The following AGBL1 variants were observed in gnomAD, a reference collection of about 807,000 sequenced individuals.
The protein encoded by AGBL1 is cytosolic carboxypeptidase 4.
AGBL1 carries 130 observed loss-of-function variants against 118.9 expected under a neutral mutation model. The observed-to-expected ratio is 1.09, with a 90% CI of 0.95 to 1.26. The LOEUF is 1.26. Ranked by LOEUF, AGBL1 falls within the 50% of genes most tolerant of loss-of-function variation. AGBL1 has a pLI of 0.00. For missense variants in AGBL1, 1,584 were observed against 1,298.1 expected (o/e 1.22, Z -3.38); for synonymous variants, 555 against 478.9 (o/e 1.16, Z -2.08).
rs1213756421 is a variant in AGBL1, at chr15:86,397,849, G to T, written c.2555+303G>T. Reference sequence around the variant, plus strand: ...AAACAAATTAATTAAAAAATAGGAAGCTATAGAATCACAGGCAATTAATAG... The same window carrying T: ...AAACAAATTAATTAAAAAATAGGAATCTATAGAATCACAGGCAATTAATAG... On this transcript the variant is annotated intron_variant, in intron 18 of 22. Transcript: ENST00000614907. 2.0e-5 allele frequency among the ~76,000 whole-genome samples: 3 copies of T among 152,006 alleles called. No individual in the cohort carries two copies. The South Asian group carries it at 6.2e-4, about 31-fold the overall frequency.
At chr15:86,755,148 A>G (rs983175460) in intron 22 of AGBL1, among the ~76,000 whole-genome samples, 30 of 152,212 alleles carry the variant, frequency 2.0e-4, no homozygotes, top group Admixed American at 5.9e-4. Context: ...TGTCTGCTCT[A>G]TGGAAAAGAC....
At chr15:86,801,215 C>A (rs1313850789) in intron 22 of AGBL1, among the ~76,000 whole-genome samples, 4 of 151,932 alleles carry the variant, frequency 2.6e-5, no homozygotes, top group African/African-American at 9.7e-5. Flanking sequence ...CTTCTGAATT[C>A]TATCAGGGAG....
At chr15:87,001,215 T>G (rs542905461) in intron 24 of AGBL1, among the ~76,000 whole-genome samples, 2 of 150,740 alleles carry the variant, frequency 1.3e-5, no homozygotes, top group African/African-American at 4.9e-5. Context: ...TTGAATACCC[T>G]TTATTTCCTT....
chr15:86,953,713 C>A (rs1176798612), intron 23 of AGBL1, among the ~76,000 whole-genome samples: 1 of 152,078 alleles, frequency 6.6e-6, no homozygotes, highest in African/African-American at 2.4e-5. Context: ...CTTGATTTGA[C>A]TTTCAGCCTA....
intron 17 of AGBL1, among the ~76,000 whole-genome samples, chr15:86,397,107 C>T (rs1233272822): frequency 1.3e-5 from 2 of 152,014 alleles, no homozygotes; most frequent in African/African-American, 4.8e-5. Context: ...AACCTCATGC[C>T]AATCATGTGA....
chr15:86,810,778 A>G (rs914947177), intron 22 of AGBL1, among the ~76,000 whole-genome samples: 2 of 152,164 alleles, frequency 1.3e-5, no homozygotes, highest in Non-Finnish European at 2.9e-5. Flanking sequence ...TCTCTAAAAC[A>G]TCCATAAGCT....
rs552528306 is a variant in AGBL1 at position 86,892,899 on chromosome 15, A to G, written c.3159-14188A>G. 3.0e-4 allele frequency among the ~76,000 whole-genome samples: 46 copies of G among 152,302 alleles called. No individual in the cohort carries two copies. The South Asian group carries it at 9.3e-3, about 31-fold the overall frequency. ...CCCGGGTGATGATGGTGAGACATTC[A>G]TGGTGAGCATACTCAGTGTGTCTGT... On this transcript the variant is annotated intron_variant, in intron 22 of 22. Coordinates refer to ENST00000614907, the MANE Select transcript of AGBL1 (RefSeq NM_001386094.1).
At chr15:86,148,287 C>T (rs1318619571) in intron 3 of AGBL1, among the ~76,000 whole-genome samples, 1 of 152,116 alleles carries the variant, frequency 6.6e-6, no homozygotes, top group Non-Finnish European at 1.5e-5. Flanking sequence ...GACTGATGAG[C>T]TGACAGAAAT....
intron 9 of AGBL1, among the ~76,000 whole-genome samples, chr15:86,261,584 C>T (rs886566121): frequency 1.3e-5 from 2 of 151,880 alleles, no homozygotes; most frequent in African/African-American, 4.8e-5. Context: ...TTTTCCTTAA[C>T]TAATGAAATA....
intron 22 of AGBL1, among the ~76,000 whole-genome samples, chr15:86,799,771 A>G (rs990844399): frequency 6.6e-6 from 1 of 152,174 alleles, no homozygotes; most frequent in African/African-American, 2.4e-5. Flanking sequence ...GAAAAGTTCT[A>G]GGGAATTGCA....
intron 6 of AGBL1, among the ~76,000 whole-genome samples, chr15:86,242,339 T>C (rs2078653734): frequency 6.6e-6 from 1 of 152,236 alleles, no homozygotes; most frequent in South Asian, 2.1e-4. Context: ...ATTGTACCTA[T>C]TATGTACCAG....
At chr15:86,560,606 G>A (rs2083803418) in intron 21 of AGBL1, among the ~76,000 whole-genome samples, 1 of 152,162 alleles carries the variant, frequency 6.6e-6, no homozygotes, top group Non-Finnish European at 1.5e-5. Flanking sequence ...ACACACATGT[G>A]CATCTGTCTT....
chr15:86,507,185 A>G (rs2082987922), intron 18 of AGBL1, among the ~76,000 whole-genome samples: 1 of 152,092 alleles, frequency 6.6e-6, no homozygotes, highest in African/African-American at 2.4e-5. Context: ...ATAACTTTAA[A>G]ATGTTAATGC....
At chr15:86,251,378 A>T (rs1278060008) in intron 7 of AGBL1, among the ~76,000 whole-genome samples, 1 of 151,976 alleles carries the variant, frequency 6.6e-6, no homozygotes, top group Non-Finnish European at 1.5e-5. Context: ...AGAGTTTCTG[A>T]CTCAGTAGGG....
chr15:86,524,174 G>A (rs1357588329), intron 19 of AGBL1, among the ~76,000 whole-genome samples: 16 of 152,172 alleles, frequency 1.1e-4, no homozygotes, highest in Non-Finnish European at 2.2e-4. Flanking sequence ...TCACCCAGAG[G>A]TGTATGGCAG....
Position 86,936,237 on chromosome 15 carries a change from T to A in AGBL1, c.3222-51750T>A, listed in dbSNP as rs538120909. On this transcript the variant is annotated intron_variant, in intron 23 of 24. Transcript: ENST00000441037. Reference sequence around the variant, plus strand: ...GCCAAATTGTAAACAGCAGTGTGTATGTATGTGTGTGTGTGTGTGTGTGTG... The same window carrying A: ...GCCAAATTGTAAACAGCAGTGTGTAAGTATGTGTGTGTGTGTGTGTGTGTG... 7.8e-5 allele frequency among the ~76,000 whole-genome samples: 7 copies of A among 89,658 alleles called. No individual in the cohort carries two copies. In the East Asian group the frequency reaches 3.1e-3, roughly 40 times the overall value. The allele number at this position is 89,658 out of a possible 152,430, so 58.8% of individuals were successfully genotyped here.
chr15:86,681,439 C>A (rs144121391), intron 22 of AGBL1, among the ~76,000 whole-genome samples: 3 of 152,072 alleles, frequency 2.0e-5, no homozygotes, highest in Non-Finnish European at 4.4e-5. Flanking sequence ...TTTCCAGATA[C>A]CTTTATACAG....
intron 17 of AGBL1, among the ~76,000 whole-genome samples, chr15:86,318,028 CAAACTTGATTGTG>C (rs889799763): frequency 1.3e-5 from 2 of 152,146 alleles, no homozygotes; most frequent in African/African-American, 4.8e-5. Context: ...ATTTATTCAA[CAAACTTGATTGTG>C]AATCTGCTTC....
intron 22 of AGBL1, among the ~76,000 whole-genome samples, chr15:86,857,293 T>C (rs2079496743): frequency 6.6e-6 from 1 of 152,166 alleles, no homozygotes; most frequent in Non-Finnish European, 1.5e-5. Flanking sequence ...TGTCACTCAC[T>C]GGCTAAACCC....
Sources: allele counts gnomAD v4.1 joint callset (sites outside exome capture counted in the v4.1 genomes callset), GRCh38; gene constraint gnomAD v4.1.1; transcripts MANE v1.5; gene names NCBI Gene and HGNC (gene_info 2026-07-23, HGNC 2026-07-21).